PLEKHG1: variants seen among roughly 807,000 people sequenced by gnomAD.
PLEKHG1 encodes pleckstrin homology domain-containing family G member 1.
PLEKHG1 carries 44 observed loss-of-function variants against 100.8 expected under a neutral mutation model. The ratio of observed to expected loss-of-function variants is 0.44; its 90% CI spans 0.34 to 0.56. The LOEUF (loss-of-function observed/expected upper bound fraction) is 0.56, where lower values mean the gene tolerates loss of function less well. Ranked by LOEUF, PLEKHG1 falls within the 20% of genes least tolerant of loss-of-function variation. The probability of loss-of-function intolerance (pLI) is 0.01; values close to 1 mark genes in which losing one functional copy is unlikely to be tolerated. For missense variants in PLEKHG1, 1,545 were observed against 1,720.9 expected, an observed-to-expected ratio of 0.90 and a Z score of 1.81; for synonymous variants, 640 against 662.5, an observed-to-expected ratio of 0.97 and a Z score of 0.52.
chr6:150,777,966 C>T (rs539331055), intron 3 of PLEKHG1, among the ~76,000 whole-genome samples: 3 of 152,370 alleles, frequency 2.0e-5, no homozygotes, highest in African/African-American at 4.8e-5. Context: ...TTCCAGGCCC[C>T]GACTGTGCTC....
chr6:150,831,578 C>T lies in PLEKHG1; in HGVS notation c.2467C>T (p.Pro823Ser). The T allele has an allele frequency of 1.2e-6, 2 of 1,614,152 alleles. No individual in the cohort carries two copies. ...CTCTCCCAGTGGTAACTTGTCTATGCCTCATAAGCCTGTATCTGATAAACT... is the reference window on the plus strand; with the variant it reads ...CTCTCCCAGTGGTAACTTGTCTATGTCTCATAAGCCTGTATCTGATAAACT... Residue 823 changes from proline (P) to serine (S), a missense_variant, in exon 15 of 16, where the codon CCT becomes TCT. Transcript: ENST00000358517. This position sits in a 1 kb window ranked among gnomAD's most constrained non-coding sequence, Gnocchi z 4.1.
At chr6:150,788,221 G>T (rs535991907) in intron 4 of PLEKHG1, among the ~76,000 whole-genome samples, 2 of 152,200 alleles carry the variant, frequency 1.3e-5, no homozygotes, top group Non-Finnish European at 2.9e-5. Flanking sequence ...CTGCACTTTC[G>T]CATGGAAACA....
At chr6:150,749,889 T>C (rs2128627947) in intron 2 of PLEKHG1, among the ~76,000 whole-genome samples, 1 of 151,846 alleles carries the variant, frequency 6.6e-6, no homozygotes, top group South Asian at 2.1e-4. Context: ...CTGGCCAACA[T>C]AGTGAAACCC....
At position 150,829,943 on chromosome 6, in the gene PLEKHG1, G is replaced by T. The variant is rs151229411; in HGVS notation, c.1471-639G>T. On this transcript the variant is annotated intron_variant, in intron 14 of 15. Coordinates refer to ENST00000358517, the Ensembl canonical transcript of PLEKHG1. ...CAAGCACTGGCCCTAAAGCTCCTTAGAAAGTCTCAAATAGAACAGATAGCA... is the reference window on the plus strand; with the variant it reads ...CAAGCACTGGCCCTAAAGCTCCTTATAAAGTCTCAAATAGAACAGATAGCA... Among the ~76,000 whole-genome samples the T allele has an allele frequency of 2.8e-3, 431 of 152,306 alleles. 4 individuals carry two copies. The highest frequency in any genetic ancestry group is 9.7e-3 in the African/African-American group (402 of 41,562).
intron 6 of PLEKHG1, 28 bp downstream of exon 7, chr6:150,800,897 T>C (rs1583157475): frequency 1.2e-6 from 2 of 1,601,096 alleles, no homozygotes; most frequent in Non-Finnish European, 1.7e-6. Context: ...ATGAGCACTT[T>C]CCAGGGGATG....
At chr6:150,634,100 C>T (rs538316600) in intron 1 of PLEKHG1, among the ~76,000 whole-genome samples, 8 of 151,596 alleles carry the variant, frequency 5.3e-5, no homozygotes, top group Admixed American at 1.3e-4. Flanking sequence ...AAAAAAAATC[C>T]GGGCGTGGTG....
chr6:150,771,827 G>A (rs1426086712), intron 3 of PLEKHG1, among the ~76,000 whole-genome samples: 2 of 152,112 alleles, frequency 1.3e-5, no homozygotes, highest in African/African-American at 4.8e-5. Context: ...ATGGTATTAT[G>A]CTGGCCTGAA....
At chr6:150,677,134 T>C (rs572648356) in intron 3 of PLEKHG1, among the ~76,000 whole-genome samples, 3 of 152,302 alleles carry the variant, frequency 2.0e-5, no homozygotes, top group East Asian at 1.9e-4. Context: ...TCCAACTTCA[T>C]TGAGAGTTGT....
exon 2 of PLEKHG1, chr6:150,733,757 G>A (rs370261556): frequency 6.2e-7 from 1 of 1,614,124 alleles, no homozygotes; most frequent in Non-Finnish European, 8.5e-7. Flanking sequence ...CGACAGCCAT[G>A]GTTCCTTCGG....
At chr6:150,768,949 G>C (rs964944048) in intron 3 of PLEKHG1, among the ~76,000 whole-genome samples, 10 of 151,934 alleles carry the variant, frequency 6.6e-5, no homozygotes, top group African/African-American at 2.4e-4. Flanking sequence ...CATCCTCCTG[G>C]CTCAGAGAAG....
chr6:150,658,482 C>A (rs1363519404), intron 3 of PLEKHG1, among the ~76,000 whole-genome samples: 1 of 152,164 alleles, frequency 6.6e-6, no homozygotes, highest in Non-Finnish European at 1.5e-5. Flanking sequence ...CGGAGTTCAG[C>A]AATTTCCCAG....
chr6:150,678,025 T>A (rs977453955), intron 3 of PLEKHG1, among the ~76,000 whole-genome samples: 1 of 140,854 alleles, frequency 7.1e-6, no homozygotes, highest in Admixed American at 7.4e-5. Context: ...TTGATAATAA[T>A]TGTATATATT....
At chr6:150,666,280 C>T (rs572509091) in intron 3 of PLEKHG1, among the ~76,000 whole-genome samples, 9 of 152,134 alleles carry the variant, frequency 5.9e-5, no homozygotes, top group African/African-American at 9.7e-5. Context: ...GTTGGAATGG[C>T]GCCCAGGGAA....
At chr6:150,602,878 G>A (rs994329449) in intron 1 of PLEKHG1, among the ~76,000 whole-genome samples, 13 of 151,794 alleles carry the variant, frequency 8.6e-5, no homozygotes, top group African/African-American at 2.9e-4. Flanking sequence ...ATTATAGATC[G>A]AGACCATCCT....
chr6:150,838,976 G>A (rs969360441), intron 15 of PLEKHG1, among the ~76,000 whole-genome samples: 13 of 152,194 alleles, frequency 8.5e-5, no homozygotes, highest in African/African-American at 3.1e-4. Context: ...CAATGGCAGT[G>A]GAGGGCTGCC....
At chr6:150,730,901 CA>C (rs59262689) in intron 1 of PLEKHG1, among the ~76,000 whole-genome samples, 187 of 138,050 alleles carry the variant, frequency 1.4e-3, no homozygotes, top group Admixed American at 2.5e-3. Context: ...AACTCTGTCT[CA>C]AAAAAAAAAA....
chr6:150,631,239 A>T (rs1031573597), intron 1 of PLEKHG1, among the ~76,000 whole-genome samples: 1 of 151,956 alleles, frequency 6.6e-6, no homozygotes, highest in African/African-American at 2.4e-5. Context: ...AGCAGCTCCA[A>T]TTTTTCAATT....
chr6:150,798,247 A>T (rs1209167899), intron 5 of PLEKHG1, among the ~76,000 whole-genome samples: 1 of 152,212 alleles, frequency 6.6e-6, no homozygotes, highest in Non-Finnish European at 1.5e-5. Context: ...TAGGGAAGGA[A>T]AAAAAACATT....
At chr6:150,818,412 A>G (rs936998019) in intron 11 of PLEKHG1, among the ~76,000 whole-genome samples, 196 bp downstream of exon 12, 1 of 152,182 alleles carries the variant, frequency 6.6e-6, no homozygotes, top group Non-Finnish European at 1.5e-5. Flanking sequence ...TCCCAGGTTT[A>G]TCTGAGTCCC....
Sources: gnomAD v4.1 joint callset for allele counts (sites outside exome capture counted in the v4.1 genomes callset) on GRCh38, gnomAD v4.1.1 for gene constraint, Gnocchi (gnomAD v3.1) non-coding constraint, MANE v1.5 for transcripts, NCBI Gene and HGNC (gene_info 2026-07-23, HGNC 2026-07-21) for gene names.